Variants in RANBP17 observed in about 807,000 individuals in gnomAD.
The protein encoded by RANBP17 is ran-binding protein 17.
RANBP17 carries 158 observed loss-of-function variants against 141.2 expected under a neutral mutation model. The ratio of observed to expected loss-of-function variants is 1.12; its 90% CI spans 0.98 to 1.28. The LOEUF is 1.28. Among genes scored for constraint, RANBP17 ranks in the 50% most tolerant of loss-of-function variants. The pLI is 0.00. For synonymous variants in RANBP17, 430 were observed against 450.0 expected (o/e 0.96, Z 0.56); for missense variants, 1,438 against 1,290.7 (o/e 1.11, Z -1.75).
At chr5:171,100,966 C>T (rs893374985) in intron 14 of RANBP17, among the ~76,000 whole-genome samples, 1 of 151,992 alleles carries the variant, frequency 6.6e-6, no homozygotes, top group African/African-American at 2.4e-5. Context: ...TCAGAGAGAC[C>T]ATTTGTTATG....
rs566765823 is a variant in RANBP17, at chr5:171,088,361, A to G, written c.1711-81769A>G. 1.2e-4 allele frequency among the ~76,000 whole-genome samples: 19 copies of G among 152,196 alleles called. No individual in the cohort carries two copies. The South Asian group carries it at 4.0e-3, about 32-fold the overall frequency. ...TTGGTTTGGTGGGCTTCCCTTTGTAAGTAACATGACCTTTCTCTCTGGCTG... is the reference window on the plus strand; with the variant it reads ...TTGGTTTGGTGGGCTTCCCTTTGTAGGTAACATGACCTTTCTCTCTGGCTG... On this transcript the variant is annotated intron_variant, in intron 14 of 27. Coordinates refer to ENST00000523189, the MANE Select transcript of RANBP17 (RefSeq NM_022897.5).
chr5:171,012,066 A>G lies in RANBP17; in HGVS notation c.1710+43689A>G, dbSNP rs530833034. Among the ~76,000 whole-genome samples, 4 of 94,568 alleles carry G rather than the reference A, an allele frequency of 4.2e-5. No homozygotes were observed. The East Asian group carries it at 1.4e-3, about 32-fold the overall frequency. 62.0% of individuals were successfully genotyped at this position (94,568 alleles called of 152,430 possible). On this transcript the variant is annotated intron_variant, in intron 14 of 27. Coordinates refer to ENST00000523189, the MANE Select transcript of RANBP17 (RefSeq NM_022897.5). ...TAAACAAATTATATTATTTGTTTAA[A>G]CGAATATATTGTTTGTTTATTTGTT...
rs1332343296 is a variant in RANBP17 at position 171,086,707 on chromosome 5, G to A, written c.1711-83423G>A. Reference sequence around the variant, plus strand: ...TTAGTCTTGGGAGAGTGTATGTGTCGAGGAATTTATCCATTTCTTCTAGAT... The same window carrying A: ...TTAGTCTTGGGAGAGTGTATGTGTCAAGGAATTTATCCATTTCTTCTAGAT... On this transcript the variant is annotated intron_variant, in intron 14 of 27. Transcript: ENST00000523189. Among the ~76,000 whole-genome samples the A allele has an allele frequency of 5.3e-5, 8 of 149,930 alleles. No individual in the cohort carries two copies. The East Asian group carries it at 9.8e-4, about 18-fold the overall frequency.
intron 3 of RANBP17, among the ~76,000 whole-genome samples, chr5:170,885,796 A>G (rs1769090703): frequency 6.6e-6 from 1 of 152,186 alleles, no homozygotes; most frequent in Admixed American, 6.5e-5. Context: ...GTTTCATATG[A>G]AAACTACCTA....
rs560099725 is a variant in RANBP17 at position 170,996,036 on chromosome 5, TA to T, written c.1710+27670del. 3.5e-3 allele frequency among the ~76,000 whole-genome samples: 511 copies of T among 146,484 alleles called. 2 individuals carry two copies. The highest frequency in any genetic ancestry group is 5.3e-3 in the Non-Finnish European group (348 of 66,042). Reference sequence around the variant, plus strand: ...TGGCAACATAGGAGAAATTGTCTCTTAAAAAAAAAAAGTTATTGCTCATCTC... The same window carrying T: ...TGGCAACATAGGAGAAATTGTCTCTTAAAAAAAAAAGTTATTGCTCATCTC... On this transcript the variant is annotated intron_variant, in intron 14 of 27. Transcript: ENST00000523189.
At chr5:171,023,648 T>TC (rs1781033294) in intron 14 of RANBP17, among the ~76,000 whole-genome samples, 2 of 152,346 alleles carry the variant, frequency 1.3e-5, no homozygotes, top group African/African-American at 4.8e-5. Flanking sequence ...ATTTTGTTTT[T>TC]CTTTCAGCTA....
intron 14 of RANBP17, among the ~76,000 whole-genome samples, chr5:171,048,350 A>T (rs1036808824): frequency 6.6e-6 from 1 of 152,158 alleles, no homozygotes; most frequent in Non-Finnish European, 1.5e-5. Flanking sequence ...GTGACCCAGG[A>T]TGCCTAGCCC....
At chr5:171,187,022 C>G (rs1267240257) in intron 18 of RANBP17, among the ~76,000 whole-genome samples, 1 of 152,098 alleles carries the variant, frequency 6.6e-6, no homozygotes, top group Non-Finnish European at 1.5e-5. Flanking sequence ...TTAATCATTT[C>G]CAGCTTTTGA....
intron 14 of RANBP17, among the ~76,000 whole-genome samples, chr5:171,122,256 A>G (rs956517489): frequency 6.6e-6 from 1 of 152,022 alleles, no homozygotes; most frequent in African/African-American, 2.4e-5. Flanking sequence ...CAGTCAAATC[A>G]TATCTGTTTA....
At chr5:170,890,529 G>A (rs1379695555) in intron 3 of RANBP17, among the ~76,000 whole-genome samples, 1 of 152,042 alleles carries the variant, frequency 6.6e-6, no homozygotes, top group South Asian at 2.1e-4. Flanking sequence ...AAGAATGCTT[G>A]TTGCATACAT....
chr5:171,121,341 C>T (rs1327386041), intron 14 of RANBP17, among the ~76,000 whole-genome samples: 1 of 152,226 alleles, frequency 6.6e-6, no homozygotes, highest in African/African-American at 2.4e-5. Flanking sequence ...CTATTCAGGC[C>T]TGGAACGCAA....
intron 4 of RANBP17, among the ~76,000 whole-genome samples, chr5:170,893,240 CA>C (rs33981595): frequency 0.6 from 88,407 of 146,214 alleles, 27,783 homozygotes; most frequent in South Asian, 0.87. Context: ...TATGGACAGC[CA>C]AAAAAAAAAA....
chr5:171,275,334 A>T (rs1767419403), intron 25 of RANBP17, among the ~76,000 whole-genome samples: 1 of 152,080 alleles, frequency 6.6e-6, no homozygotes, highest in South Asian at 2.1e-4. Flanking sequence ...CATTATGGGG[A>T]TTGTTTTTAT....
intron 26 of RANBP17, among the ~76,000 whole-genome samples, chr5:171,295,466 G>T (rs1768760434): frequency 6.6e-6 from 1 of 152,162 alleles, no homozygotes; most frequent in African/African-American, 2.4e-5. Context: ...GATAAGGCCT[G>T]AGGAAAGACC....
chr5:171,224,206 C>A (rs1763751780), intron 22 of RANBP17, among the ~76,000 whole-genome samples: 1 of 152,122 alleles, frequency 6.6e-6, no homozygotes, highest in South Asian at 2.1e-4. Context: ...CTGCCTGTAG[C>A]CAGTGATTAG....
intron 3 of RANBP17, among the ~76,000 whole-genome samples, chr5:170,885,208 G>A (rs1461009501): frequency 6.6e-6 from 1 of 152,078 alleles, no homozygotes; most frequent in Admixed American, 6.6e-5. Context: ...ACTTTTACTC[G>A]AAGAACAGCA....
intron 14 of RANBP17, among the ~76,000 whole-genome samples, chr5:171,107,272 A>T (rs1289627438): frequency 2.0e-5 from 3 of 152,198 alleles, no homozygotes; most frequent in Non-Finnish European, 4.4e-5. Context: ...GTTGCCTGGT[A>T]TCAAAGGAAT....
At chr5:170,872,109 C>T (rs1012203209) in intron 1 of RANBP17, among the ~76,000 whole-genome samples, 2 of 152,150 alleles carry the variant, frequency 1.3e-5, no homozygotes, top group African/African-American at 4.8e-5. Context: ...TTACTTTGGG[C>T]AGTATATCCA....
intron 14 of RANBP17, among the ~76,000 whole-genome samples, chr5:171,029,954 AG>A (rs1373239364): frequency 6.6e-6 from 1 of 152,074 alleles, no homozygotes; most frequent in African/African-American, 2.4e-5. Context: ...AAACAGAAGT[AG>A]TACTTTAATA....
Sources: gnomAD v4.1 joint callset for allele counts (sites outside exome capture counted in the v4.1 genomes callset) on GRCh38, gnomAD v4.1.1 for gene constraint, MANE v1.5 for transcripts, NCBI Gene and HGNC (gene_info 2026-07-23, HGNC 2026-07-21) for gene names.